PTPRF: variants seen among roughly 807,000 people sequenced by gnomAD.
PTPRF encodes receptor-type tyrosine-protein phosphatase F.
PTPRF carries 59 observed loss-of-function variants against 201.8 expected under a neutral mutation model. The ratio of observed to expected loss-of-function variants is 0.29; its 90% confidence interval spans 0.24 to 0.36. PTPRF has a LOEUF of 0.36. Among genes scored for constraint, PTPRF ranks in the 10% least tolerant of loss-of-function variants. The pLI is 1.00. For synonymous variants in PTPRF, 1,088 were observed against 1,089.7 expected (o/e 1.00, Z 0.03); for missense variants, 2,132 against 2,690.5 (o/e 0.79, Z 4.59).
At position 43,613,717 on chromosome 1, in the gene PTPRF, T is replaced by C. The variant is rs1410301345; in HGVS notation, c.4071+2T>C. 1 of 1,612,784 alleles carries C rather than the reference T, an allele frequency of 6.2e-7. No homozygotes were observed. The highest frequency in any genetic ancestry group is 1.1e-5 in the South Asian group (1 of 91,054). ...CTCAAGTTCTCCCAGGAGTATGAGG[T>C]GAGATGTTCCCGCCCCCTACCATGT... is the stretch of plus-strand genomic sequence containing the variant. On this transcript the variant is annotated splice_donor_variant, in intron 23 of 33. Transcript: ENST00000359947. LOFTEE classifies it high-confidence loss of function.
upstream of PTPRF, among the ~76,000 whole-genome samples, chr1:43,522,512 T>C (rs969089852): frequency 5.3e-5 from 8 of 152,124 alleles, no homozygotes; most frequent in African/African-American, 1.9e-4. Flanking sequence ...CATATAGCTA[T>C]TGAGTGAATG....
Position 43,597,732 on chromosome 1 carries a change from C to A in PTPRF, c.1814-16C>A, listed in dbSNP as rs766383823. The A allele has an allele frequency of 1.8e-5, 26 of 1,440,886 alleles. No individual in the cohort carries two copies. The highest frequency in any genetic ancestry group is 1.5e-4 in the South Asian group (12 of 81,384). 89.3% of individuals were successfully genotyped at this position (1,440,886 alleles called of 1,614,324 possible). On this transcript the variant is annotated splice_polypyrimidine_tract_variant and intron_variant, in intron 11 of 33. Transcript: ENST00000359947. Reference sequence around the variant, plus strand: ...ACCCTCCATCTGCTTGCTTCCCCCCCATTTGTCTTCCCCAGCCCCCTCCGC... The same window carrying A: ...ACCCTCCATCTGCTTGCTTCCCCCCAATTTGTCTTCCCCAGCCCCCTCCGC...
rs77458436 is a variant in PTPRF, at chr1:43,533,346, A to G, written c.-126+2256A>G. On this transcript the variant is annotated intron_variant, in intron 1 of 33. Coordinates refer to ENST00000359947, the MANE Select transcript of PTPRF (RefSeq NM_002840.5). ...TGGCGGGGCAGAGTTAGACTGCAGC[A>G]AACGGAAACTAGCTACACATCTTTT... 9.7e-3 allele frequency among the ~76,000 whole-genome samples: 1,482 copies of G among 152,310 alleles called. 26 individuals are homozygous for G. The highest frequency in any genetic ancestry group is 0.033 in the African/African-American group (1,389 of 41,552).
Position 43,559,805 on chromosome 1 carries a change from G to C in PTPRF, c.379+5864G>C, listed in dbSNP as rs200747771. 7.3e-5 allele frequency among the ~76,000 whole-genome samples: 11 copies of C among 151,330 alleles called. No individual in the cohort carries two copies. The East Asian group carries it at 1.4e-3, about 19-fold the overall frequency. On this transcript the variant is annotated intron_variant, in intron 5 of 33. Coordinates refer to ENST00000359947, the MANE Select transcript of PTPRF (RefSeq NM_002840.5). ...GCAGGCAGTGTGTTTATCAGGCAGT[G>C]TGTGGTGTGTGTGTGCATCTTTATG... is the stretch of plus-strand genomic sequence containing the variant.
In PTPRF at chr1:43,604,891, A is replaced by G. The variant is rs1195045015; in HGVS notation, c.3038-12A>G. 6 of 1,612,618 alleles carry G rather than the reference A, an allele frequency of 3.7e-6. No individual in the cohort carries two copies. The highest frequency in any genetic ancestry group is 2.2e-5 in the East Asian group (1 of 44,868). On this transcript the variant is annotated splice_polypyrimidine_tract_variant and intron_variant, in intron 16 of 33. Transcript: ENST00000359947. ...ATACCCAGCAGAGCTGACTCTCTCT[A>G]TGCCTTTGCAGTGTTTGCCAAGAAC... is the stretch of plus-strand genomic sequence containing the variant.
rs200215132 is a variant in PTPRF at position 43,620,519 on chromosome 1, G to A, written c.5304G>A (p.Pro1768=). The A allele has an allele frequency of 2.2e-5, 36 of 1,613,760 alleles. No homozygotes were observed. The highest frequency in any genetic ancestry group is 6.7e-5 in the African/African-American group (5 of 74,910). The change falls in exon 31 of 34, where the codon CCG becomes CCA. Residue 1768 remains proline (P), a synonymous_variant. Coordinates refer to ENST00000359947, the MANE Select transcript of PTPRF (RefSeq NM_002840.5). Reference sequence around the variant, plus strand: ...GCTACCAGTACTTTGTTGTTGACCCGATGGCTGAGTACAACATGCCCCAGT... The same window carrying A: ...GCTACCAGTACTTTGTTGTTGACCCAATGGCTGAGTACAACATGCCCCAGT... ...SARYQYFVVD[P]MAEYNMPQYI...
chr1:43,563,303 A>G (rs949920300), intron 5 of PTPRF, among the ~76,000 whole-genome samples: 1 of 151,986 alleles, frequency 6.6e-6, no homozygotes, highest in African/African-American at 2.4e-5. Context: ...CATTTCTAAG[A>G]TTCATGTACT....
In PTPRF at chr1:43,576,918, G is replaced by A. The variant is rs77696512; in HGVS notation, c.569-1892G>A. 9.9e-3 allele frequency among the ~76,000 whole-genome samples: 1,503 copies of A among 152,268 alleles called. 31 individuals are homozygous for A. The highest frequency in any genetic ancestry group is 0.035 in the African/African-American group (1,469 of 41,548). On this transcript the variant is annotated intron_variant, in intron 6 of 33. Transcript: ENST00000359947. Reference sequence around the variant, plus strand: ...TATCTTGCCCATCACCCGGAGGCTGGCTCTTGCTTCACCTGGGAGCCCCCC... The same window carrying A: ...TATCTTGCCCATCACCCGGAGGCTGACTCTTGCTTCACCTGGGAGCCCCCC...
chr1:43,566,028 G>A (rs555924609), intron 5 of PTPRF, among the ~76,000 whole-genome samples: 300 of 152,356 alleles, frequency 2.0e-3, no homozygotes, highest in African/African-American at 6.7e-3. Flanking sequence ...GTGGGTGCTT[G>A]CGACTGTCCA....
In PTPRF at chr1:43,603,952, C is replaced by T. The variant is rs1232655522; in HGVS notation, c.2800C>T (p.Leu934=). 1.2e-6 allele frequency: 2 copies of T among 1,614,144 alleles called. No homozygotes were observed. Among genetic ancestry groups the T allele is most frequent in the Admixed American group, 1.7e-5 (1 of 60,032 alleles). The change falls in exon 16 of 34, where the codon CTG becomes TTG. Residue 934 remains leucine, a synonymous_variant. Coordinates refer to ENST00000359947, the MANE Select transcript of PTPRF (RefSeq NM_002840.5). This position sits in a 1 kb window ranked among gnomAD's most constrained non-coding sequence, Gnocchi z 5.8. Reference sequence around the variant, plus strand: ...AGGACTGACCACGTCTACCACAGAACTGGCCTGGGACCCGCCAGTGCTGGC... The same window carrying T: ...AGGACTGACCACGTCTACCACAGAATTGGCCTGGGACCCGCCAGTGCTGGC... ...VTGLTTSTTE[L]AWDPPVLAER... is the part of the protein sequence containing the mutation.
rs778902441 is a variant in PTPRF at position 43,553,878 on chromosome 1, G to A, written c.316G>A (p.Glu106Lys). 2.5e-6 allele frequency: 4 copies of A among 1,614,208 alleles called. No individual in the cohort carries two copies. The highest frequency in any genetic ancestry group is 2.5e-6 in the Non-Finnish European group (3 of 1,180,040). Residue 106 changes from glutamate (E) to lysine (K), a missense_variant, in exon 5 of 34, where the codon GAG becomes AAG. Coordinates refer to ENST00000359947, the MANE Select transcript of PTPRF (RefSeq NM_002840.5). This position sits in a 1 kb window ranked among gnomAD's most constrained non-coding sequence, Gnocchi z 4.1. ...GGTGCAGCGAGATGAAGCCATCTAT[G>A]AGTGTACAGCTACTAACAGCCTGGG... ...LRVQRDEAIYECTATNSLGEI... is the reference protein window; with the variant it reads ...LRVQRDEAIYKCTATNSLGEI...
intron 2 of PTPRF, among the ~76,000 whole-genome samples, chr1:43,541,172 G>C (rs1644339151): frequency 6.6e-6 from 1 of 152,236 alleles, no homozygotes. Flanking sequence ...CCAGGGTCCT[G>C]GCCTGGGGAG....
intron 22 of PTPRF, among the ~76,000 whole-genome samples, chr1:43,612,331 T>C (rs892852628): frequency 6.6e-6 from 1 of 151,974 alleles, no homozygotes; most frequent in African/African-American, 2.4e-5. Flanking sequence ...GGAAGATACC[T>C]GGGAAGGAGG....
At chr1:43,607,806 C>T (rs898500069) in intron 21 of PTPRF, among the ~76,000 whole-genome samples, 1 of 152,236 alleles carries the variant, frequency 6.6e-6, no homozygotes, top group Non-Finnish European at 1.5e-5. Context: ...TCGTTCAGGA[C>T]TCAAGTCCAT....
In PTPRF at chr1:43,553,022, G is replaced by T. The variant is rs1269341043; in HGVS notation, c.92-470G>T. On this transcript the variant is annotated intron_variant, in intron 3 of 33. Transcript: ENST00000359947. The surrounding 1 kb of genome is among the most constrained non-coding windows in gnomAD (Gnocchi z 4.1). ...GTCTCGGTTCCTGGCCGGAGCCCCG[G>T]GGTGGATGGTGGTGCCATCACTGAG... is the stretch of plus-strand genomic sequence containing the variant. Among the ~76,000 whole-genome samples, 1 of 152,156 alleles carries T rather than the reference G, an allele frequency of 6.6e-6. No individual in the cohort carries two copies. The highest frequency in any genetic ancestry group is 1.5e-5 in the Non-Finnish European group (1 of 68,030).
intron 5 of PTPRF, among the ~76,000 whole-genome samples, chr1:43,569,004 G>A (rs1646379056): frequency 6.6e-6 from 1 of 152,236 alleles, no homozygotes; most frequent in South Asian, 2.1e-4. Flanking sequence ...ATAGGTCAAG[G>A]TCAGGATCGG....
chr1:43,598,686 C>T (rs1390999103), intron 12 of PTPRF, 34 bp from the exon 13 acceptor site: 6 of 1,596,316 alleles, frequency 3.8e-6, no homozygotes, highest in Non-Finnish European at 4.3e-6. Context: ...TTGATACCTC[C>T]AGGCCTGACT....
rs908069420 is a variant in PTPRF at position 43,605,359 on chromosome 1, A to G, written c.3305A>G (p.His1102Arg). 1 of 1,613,880 alleles carries G rather than the reference A, an allele frequency of 6.2e-7. No individual in the cohort carries two copies. The highest frequency in any genetic ancestry group is 1.1e-5 in the South Asian group (1 of 91,070). ...CGCACAGCCCCCGACCTCCTGCCTC[A>G]CAAGCCGCTGCCTGCCTCTGCCTAC... ...SIRTAPDLLP[H>R]KPLPASAYIE... Residue 1102 changes from histidine (H) to arginine (R), a missense_variant, in exon 18 of 34, where the codon CAC becomes CGC. By Grantham distance (29) the His-to-Arg change is conservative. Transcript: ENST00000359947.
At chr1:43,532,881 C>G (rs535729508) in intron 1 of PTPRF, among the ~76,000 whole-genome samples, 5 of 152,268 alleles carry the variant, frequency 3.3e-5, no homozygotes, top group Admixed American at 3.3e-4. Flanking sequence ...CCCCTCCACC[C>G]CCACACACAC....
Sources: allele counts gnomAD v4.1 joint callset (sites outside exome capture counted in the v4.1 genomes callset), GRCh38; gene constraint gnomAD v4.1.1; non-coding constraint Gnocchi (gnomAD v3.1); transcripts MANE v1.5; gene names NCBI Gene and HGNC (gene_info 2026-07-23, HGNC 2026-07-21).